Variants in ZBED1 observed in about 807,000 individuals in gnomAD.
ZBED1 encodes the protein E3 SUMO-protein ligase ZBED1.
ZBED1 carries 19 observed loss-of-function variants against 49.7 expected under a neutral mutation model. The observed-to-expected ratio is 0.38, with a 90% confidence interval of 0.27 to 0.56. The LOEUF (loss-of-function observed/expected upper bound fraction) is 0.56. ZBED1 is among the 20% of genes least tolerant of loss of function. The pLI, the probability that ZBED1 is intolerant of heterozygous loss-of-function variation, is 0.70. For missense variants in ZBED1, 806 were observed against 972.6 expected (o/e 0.83, Z 2.28); for synonymous variants, 439 against 440.3 (o/e 1.00, Z 0.04).
At chrX:2,492,577 T>A (rs1009692141) in intron 1 of ZBED1, among the ~76,000 whole-genome samples, 1 of 151,712 alleles carries the variant, frequency 6.6e-6, no homozygotes, top group Non-Finnish European at 1.5e-5. Flanking sequence ...GGAGATGAGA[T>A]CATCCGGGAT....
intron 1 of ZBED1, among the ~76,000 whole-genome samples, chrX:2,494,600 C>T (rs955363724): frequency 3.3e-5 from 5 of 151,822 alleles, no homozygotes; most frequent in African/African-American, 1.2e-4. Context: ...AAGGTTCTGG[C>T]ACTTCAGTCA....
At chrX:2,500,028 A>AAAT (rs1205051124) in intron 1 of ZBED1, among the ~76,000 whole-genome samples, 20 of 152,124 alleles carry the variant, frequency 1.3e-4, no homozygotes, top group Admixed American at 3.3e-4. Flanking sequence ...CTATTACAAA[A>AAAT]AATAATAATA....
rs2045106971 is a variant in ZBED1, at chrX:2,490,453, G to C, written c.267C>G (p.Ala89=). The part of the protein sequence containing the change: ...VKSNTEQMRE[A]FATAFSKLKP... ...TCAGCTTGGAGAAGGCGGTGGCGAAGGCTTCACGCATCTGCTCCGTGTTGC... is the reference window on the plus strand; with the variant it reads ...TCAGCTTGGAGAAGGCGGTGGCGAACGCTTCACGCATCTGCTCCGTGTTGC... Residue 89 remains alanine (A), a synonymous_variant, in exon 2 of 2, where the codon GCC becomes GCG. Transcript: ENST00000652001. 6.2e-7 allele frequency: 1 copy of C among 1,613,844 alleles called. No homozygotes were observed. The highest frequency in any genetic ancestry group is 1.7e-5 in the Admixed American group (1 of 60,000).
intron 1 of ZBED1, among the ~76,000 whole-genome samples, chrX:2,492,060 G>C (rs367753590): frequency 1.3e-5 from 2 of 152,214 alleles, no homozygotes; most frequent in Non-Finnish European, 2.9e-5. Flanking sequence ...CACGTTCAGA[G>C]TGTTGGGATA....
chrX:2,493,089 G>C (rs1346762624), intron 1 of ZBED1, among the ~76,000 whole-genome samples: 2 of 152,246 alleles, frequency 1.3e-5, no homozygotes, highest in African/African-American at 4.8e-5. Context: ...TGGGGTGCAA[G>C]GAGGGGGGTC....
In ZBED1 at chrX:2,486,514, G is replaced by C. The variant is rs2044934040; in HGVS notation, c.*2121C>G. 1 of 152,172 alleles carries C rather than the reference G, an allele frequency of 6.6e-6. No individual in the cohort carries two copies. The highest frequency in any genetic ancestry group is 2.1e-4 in the South Asian group (1 of 4,820). The allele number at this position is 152,172 out of a possible 1,614,324, so 9.4% of individuals were successfully genotyped here. A position where few individuals can be genotyped will look rare whatever the true frequency, so the allele number is the denominator to read the frequency against. The stretch of plus-strand genomic sequence containing the variant: ...GCAACCGTTCAGGAGGGGAACGATG[G>C]CTTAAAAATAAAAATGAAGACAGAG... On this transcript the variant is annotated 3_prime_UTR_variant, in exon 2 of 2. Coordinates refer to ENST00000652001, the MANE Select transcript of ZBED1 (RefSeq NM_001171136.2).
intron 1 of ZBED1, among the ~76,000 whole-genome samples, chrX:2,499,175 G>A (rs1271675127): frequency 2.0e-5 from 3 of 152,060 alleles, no homozygotes; most frequent in Admixed American, 6.6e-5. Context: ...TCACAATAAG[G>A]CACCCAAGCG....
At chrX:2,496,344 G>A (rs1398444130) in intron 1 of ZBED1, among the ~76,000 whole-genome samples, 3 of 151,788 alleles carry the variant, frequency 2.0e-5, no homozygotes, top group African/African-American at 4.8e-5. Context: ...GACTACAGGC[G>A]CACACTGCCA....
In ZBED1 at chrX:2,488,745, G is replaced by C. The variant is rs778251463; in HGVS notation, c.1975C>G (p.Pro659Ala). The change falls in exon 2 of 2, where the codon CCC (proline) becomes GCC (alanine). Residue 659 changes from proline (P) to alanine (A), a missense_variant. This residue lies in a region of ZBED1 where 749 missense variants were observed against 861.3 expected (regional missense o/e 0.87). Coordinates refer to ENST00000652001, the MANE Select transcript of ZBED1 (RefSeq NM_001171136.2). ...CACTCCCCCTCGTCCTGGTCCTCGG[G>C]TTCCGCCTCTGCCCCACTCCGGGCG... ...ENARSGAEAE[P>A]EDQDEGEWGL... 5 of 1,613,894 alleles carry C rather than the reference G, an allele frequency of 3.1e-6. No individual in the cohort carries two copies. Among genetic ancestry groups the C allele is most frequent in the Non-Finnish European group, 4.2e-6 (5 of 1,179,864 alleles).
Position 2,500,939 on chromosome X carries a change from G to A in ZBED1, c.-176C>T, listed in dbSNP as rs1458073317. 31 of 1,050,296 alleles carry A rather than the reference G, an allele frequency of 3.0e-5. No individual in the cohort carries two copies. In the Middle Eastern group the frequency reaches 1.3e-3, roughly 45 times the overall value. The allele number at this position is 1,050,296 out of a possible 1,614,324, so 65.1% of individuals were successfully genotyped here. On this transcript the variant is annotated 5_prime_UTR_variant, in exon 1 of 2. Coordinates refer to ENST00000652001, the MANE Select transcript of ZBED1 (RefSeq NM_001171136.2). ...CAATGGCGACATGGCTGCCCCGGCC[G>A]CGCCGCCGCCGCTTCCGCGCCGCCC...
intron 1 of ZBED1, among the ~76,000 whole-genome samples, chrX:2,493,097 G>T (rs754068570): frequency 1.3e-5 from 2 of 152,224 alleles, no homozygotes; most frequent in African/African-American, 2.4e-5. Context: ...AAGGAGGGGG[G>T]TCCTGTGGCC....
chrX:2,500,372 G>A, intron 1 of ZBED1: 1 of 172,194 alleles, frequency 5.8e-6, no homozygotes, highest in South Asian at 1.2e-4. Flanking sequence ...GGGCCTGGCG[G>A]GGGCGCGCGG....
Position 2,488,423 on chromosome X carries a change from C to T in ZBED1, c.*212G>A. 1.7e-6 allele frequency: 1 copy of T among 591,048 alleles called. No individual in the cohort carries two copies. Among genetic ancestry groups the T allele is most frequent in the South Asian group, 2.8e-5 (1 of 35,426 alleles). 36.6% of individuals were successfully genotyped at this position (591,048 alleles called of 1,614,324 possible). ...CTCCTGACCTCAGCTGATCTGCCCA[C>T]CTCGGCCTCCCAAAGTGCTGCGATT... On this transcript the variant is annotated 3_prime_UTR_variant, in exon 2 of 2. Transcript: ENST00000652001.
intron 1 of ZBED1, among the ~76,000 whole-genome samples, chrX:2,494,957 T>C (rs1169481682): frequency 6.6e-6 from 1 of 151,866 alleles, no homozygotes; most frequent in Non-Finnish European, 1.5e-5. Context: ...AGGTTTATAT[T>C]CTATCATTAT....
intron 1 of ZBED1, among the ~76,000 whole-genome samples, chrX:2,496,129 G>T (rs867197045): frequency 5.9e-5 from 9 of 152,218 alleles, no homozygotes; most frequent in African/African-American, 2.2e-4. Context: ...CAGCGTGGTG[G>T]CGATAGTTAA....
In ZBED1 at chrX:2,490,431, G is replaced by C. The variant is rs781240287; in HGVS notation, c.289C>G (p.Leu97Val). 6.2e-7 allele frequency: 1 copy of C among 1,613,988 alleles called. No homozygotes were observed. Among genetic ancestry groups the C allele is most frequent in the South Asian group, 1.1e-5 (1 of 91,080 alleles). The stretch of plus-strand genomic sequence containing the variant: ...GGCTGCTGGGACGACTCGGGCTTCA[G>C]CTTGGAGAAGGCGGTGGCGAAGGCT... ...REAFATAFSK[L>V]KPESSQQPGQ... Residue 97 changes from leucine to valine, a missense_variant, in exon 2 of 2, where the codon CTG (leucine) becomes GTG (valine). Leu to Val is a conservative substitution (Grantham distance 32, BLOSUM62 1). Around this residue, in one of 2 missense-constraint regions of ZBED1, gnomAD observed 749 missense variants for 861.3 expected, o/e 0.87. Transcript: ENST00000652001.
chrX:2,490,036 CATG>C lies in ZBED1; in HGVS notation c.681_683del (p.Met228del). On this transcript the variant is annotated inframe_deletion, in exon 2 of 2. Transcript: ENST00000652001. ...CGAAGGTCTTCAGGCAGCGGGAGCC[CATG>C]GACAGGCAGTTGGGGGCGCCCAGGC... 1 of 1,613,802 alleles carries C rather than the reference CATG, an allele frequency of 6.2e-7. No homozygotes were observed. The highest frequency in any genetic ancestry group is 8.5e-7 in the Non-Finnish European group (1 of 1,179,864).
intron 1 of ZBED1, among the ~76,000 whole-genome samples, chrX:2,493,500 CGG>C (rs2045210248): frequency 6.6e-6 from 1 of 151,164 alleles, no homozygotes; most frequent in African/African-American, 2.4e-5. Flanking sequence ...TGGCTGAAAG[CGG>C]TTCTGGAACC....
rs772566725 is a variant in ZBED1 at position 2,491,739 on chromosome X, G to A, written c.-53-967C>T. Among the ~76,000 whole-genome samples, 10 of 152,310 alleles carry A rather than the reference G, an allele frequency of 6.6e-5. No homozygotes were observed. In the East Asian group the frequency reaches 1.9e-3, roughly 29 times the overall value. The stretch of plus-strand genomic sequence containing the variant: ...AAGAAGCATGGATTTCTCAATCCCT[G>A]GAACTTCTCAAAATGCCCATTGTGT... On this transcript the variant is annotated intron_variant, in intron 1 of 1. Transcript: ENST00000652001.
Sources: allele counts gnomAD v4.1 joint callset (sites outside exome capture counted in the v4.1 genomes callset), GRCh38; gene constraint gnomAD v4.1.1; regional missense constraint gnomAD v4.1.1; transcripts MANE v1.5; gene names NCBI Gene and HGNC (gene_info 2026-07-23, HGNC 2026-07-21).